Variants in PEX11G observed in about 807,000 individuals in gnomAD.
PEX11G encodes peroxisomal biogenesis factor 11 gamma, also known as peroxisomal membrane protein 11C.
In PEX11G, 20 loss-of-function variants were observed where a neutral mutation model predicts 22.5. The observed-to-expected ratio is 0.89, with a 90% CI of 0.62 to 1.29. The LOEUF (loss-of-function observed/expected upper bound fraction) is 1.29, where lower values mean the gene tolerates loss of function less well. PEX11G is among the 50% of genes most tolerant of loss of function. The pLI, the probability that PEX11G is intolerant of heterozygous loss-of-function variation, is 0.00. For missense variants in PEX11G, 347 were observed against 331.3 expected, an observed-to-expected ratio of 1.05 and a Z score of -0.37; for synonymous variants, 141 against 154.5, an observed-to-expected ratio of 0.91 and a Z score of 0.65.
chr19:7,490,085 T>C (rs2021844912), upstream of PEX11G, among the ~76,000 whole-genome samples: 3 of 152,152 alleles, frequency 2.0e-5, no homozygotes, highest in South Asian at 6.2e-4. Flanking sequence ...CTCAAATTCC[T>C]GGCCTCAAGT....
At chr19:7,488,802 A>G (rs1342405102) in intron 1 of PEX11G, 149 bp downstream of exon 1, 4 of 792,800 alleles carry the variant, frequency 5.0e-6, no homozygotes, top group Non-Finnish European at 8.3e-6. Flanking sequence ...TAAATGTCCA[A>G]TGCTAGGGCA....
chr19:7,477,444 G>A lies in PEX11G; in HGVS notation c.492-8C>T. 4.2e-6 allele frequency: 6 copies of A among 1,423,804 alleles called. No homozygotes were observed. Among genetic ancestry groups the A allele is most frequent in the Non-Finnish European group, 5.5e-6 (6 of 1,092,474 alleles). 88.2% of individuals were successfully genotyped at this position (1,423,804 alleles called of 1,614,324 possible). On this transcript the variant is annotated splice_region_variant and splice_polypyrimidine_tract_variant and intron_variant, in intron 4 of 4. Coordinates refer to ENST00000221480, the MANE Select transcript of PEX11G (RefSeq NM_080662.4). ...TTGCCCCGGGGCAGCGGGCTGTGGG[G>A]CAGAGAGGGGCCGCTTACACTCACG...
upstream of PEX11G, among the ~76,000 whole-genome samples, chr19:7,492,284 C>T (rs1006872469): frequency 2.6e-5 from 4 of 152,242 alleles, no homozygotes; most frequent in African/African-American, 9.6e-5. Context: ...ATTTTCCATC[C>T]CCACCAGCAT....
intron 1 of PEX11G, among the ~76,000 whole-genome samples, chr19:7,488,716 C>A (rs2021774106): frequency 6.6e-6 from 1 of 152,220 alleles, no homozygotes; most frequent in African/African-American, 2.4e-5. Flanking sequence ...GCAGGAGAAT[C>A]GCTTGAACCC....
Position 7,477,246 on chromosome 19 carries a change from G to A in PEX11G, c.682C>T (p.Gln228Ter), listed in dbSNP as rs1977257767. The change falls in exon 5 of 5, where the codon CAG (glutamine) becomes TAG (stop). Residue 228 changes from glutamine (Q) to a stop codon, truncating the protein, a stop_gained. Transcript: ENST00000221480. LOFTEE classifies it low-confidence loss of function (END_TRUNC). ...GTISSILSMY[Q>*]AARAGGQAEA... Reference sequence around the variant, plus strand: ...GCCTGGCCGCCGGCCCGGGCCGCCTGGTACATGCTGAGGATTGAGGAGATG... The same window carrying A: ...GCCTGGCCGCCGGCCCGGGCCGCCTAGTACATGCTGAGGATTGAGGAGATG... 1 of 1,571,106 alleles carries A rather than the reference G, an allele frequency of 6.4e-7. No individual in the cohort carries two copies. Among genetic ancestry groups the A allele is most frequent in the Non-Finnish European group, 8.6e-7 (1 of 1,162,484 alleles).
intron 3 of PEX11G, among the ~76,000 whole-genome samples, chr19:7,480,154 G>A (rs1481719662): frequency 1.3e-5 from 2 of 151,980 alleles, no homozygotes; most frequent in African/African-American, 4.8e-5. Flanking sequence ...TGTGGTCCCA[G>A]CCACTCAGAA....
At chr19:7,489,058 CG>C, upstream of PEX11G, 2 of 1,462,332 alleles carry the variant, frequency 1.4e-6, no homozygotes, top group Non-Finnish European at 9.0e-7. Flanking sequence ...CGCCAGGGGG[CG>C]GGGCCAGGCC....
intron 1 of PEX11G, among the ~76,000 whole-genome samples, chr19:7,494,504 A>G (rs1245754560): frequency 6.6e-6 from 1 of 152,224 alleles, no homozygotes; most frequent in African/African-American, 2.4e-5. Flanking sequence ...TCTCAGGCCC[A>G]AGAGCCTTGG....
At chr19:7,477,553 C>A (rs938112708) in intron 4 of PEX11G, 117 bp from the exon 5 acceptor site, 10 of 845,772 alleles carry the variant, frequency 1.2e-5, no homozygotes, top group African/African-American at 1.8e-5. Context: ...GTGGGAGGAG[C>A]TGGCAGGACT....
chr19:7,492,265 A>T (rs1030528682), upstream of PEX11G, among the ~76,000 whole-genome samples: 1 of 152,168 alleles, frequency 6.6e-6, no homozygotes, highest in South Asian at 2.1e-4. Flanking sequence ...TTCCCACAGT[A>T]GCAGTACCAT....
At chr19:7,488,475 C>T (rs2021762095) in intron 1 of PEX11G, among the ~76,000 whole-genome samples, 1 of 152,182 alleles carries the variant, frequency 6.6e-6, no homozygotes, top group Non-Finnish European at 1.5e-5. Flanking sequence ...TGTCAATGTC[C>T]AGACAGGTTG....
upstream of PEX11G, among the ~76,000 whole-genome samples, chr19:7,492,766 C>T (rs1244374484): frequency 6.6e-6 from 1 of 152,164 alleles, no homozygotes; most frequent in African/African-American, 2.4e-5. Flanking sequence ...TTTTCTTTCA[C>T]AGAATATTTC....
chr19:7,478,988 C>A (rs1977370057), intron 3 of PEX11G, among the ~76,000 whole-genome samples: 1 of 152,242 alleles, frequency 6.6e-6, no homozygotes. Flanking sequence ...GCCAGTCCAC[C>A]AGGCACCTGC....
At chr19:7,478,275 G>T in intron 4 of PEX11G, 39 bp downstream of exon 4, 1 of 1,599,498 alleles carries the variant, frequency 6.3e-7, no homozygotes, top group Non-Finnish European at 8.5e-7. Flanking sequence ...GCCTGCTGGA[G>T]GGAGTGGGCC....
chr19:7,493,200 G>GT (rs5826974), upstream of PEX11G: 28,388 of 151,436 alleles, frequency 0.19, 2,792 homozygotes, highest in African/African-American at 0.23. Flanking sequence ...CTCTCTTTCT[G>GT]TTTTTGTTTT....
At chr19:7,479,020 G>A (rs539588999) in intron 3 of PEX11G, among the ~76,000 whole-genome samples, 2 of 152,244 alleles carry the variant, frequency 1.3e-5, no homozygotes, top group Non-Finnish European at 2.9e-5. Context: ...TCGGCCGTGG[G>A]GTGTGCCGGG....
upstream of PEX11G, chr19:7,489,125 C>A (rs538206379): frequency 1.0e-5 from 13 of 1,278,710 alleles, no homozygotes; most frequent in Middle Eastern, 2.8e-4. Context: ...AGGCCTTTGT[C>A]CCCCTGACCG....
At position 7,477,310 on chromosome 19, in the gene PEX11G, G is replaced by A. The variant is rs376253130; in HGVS notation, c.618C>T (p.Ala206=). 1.1e-4 allele frequency: 168 copies of A among 1,563,440 alleles called. 2 individuals carry two copies. The South Asian group carries it at 1.6e-3, about 15-fold the overall frequency. The stretch of plus-strand genomic sequence containing the variant: ...CCACTAGCCACGGCGGGAAGCGGCC[G>A]GCCCACAGCACGCCCCGGGGCAGCC... ...VHWLPRGVLW[A]GRFPPWLVGL... is the part of the protein sequence containing the mutation. Residue 206 remains alanine, a synonymous_variant, in exon 5 of 5, where the codon GCC becomes GCT. Transcript: ENST00000221480.
upstream of PEX11G, chr19:7,490,933 T>C (rs2086301621): frequency 6.6e-6 from 1 of 151,878 alleles, no homozygotes; most frequent in African/African-American, 2.4e-5. Flanking sequence ...GCCACCACAA[T>C]TGGCTAATTT....
Sources: gnomAD v4.1 joint callset for allele counts (sites outside exome capture counted in the v4.1 genomes callset) on GRCh38, gnomAD v4.1.1 for gene constraint, MANE v1.5 for transcripts, NCBI Gene and HGNC (gene_info 2026-07-23, HGNC 2026-07-21) for gene names.